The following MAML3 variants were observed in gnomAD, a reference collection of about 807,000 sequenced individuals.
MAML3 encodes the protein mastermind-like protein 3.
Under a neutral mutation model 101.9 loss-of-function variants are expected in MAML3, and 27 were observed. The observed-to-expected ratio is 0.27, with a 90% CI of 0.20 to 0.37. The LOEUF (loss-of-function observed/expected upper bound fraction) is 0.37, where lower values mean the gene tolerates loss of function less well. Ranked by LOEUF, MAML3 falls within the 10% of genes least tolerant of loss-of-function variation. The probability of loss-of-function intolerance (pLI) is 1.00; values close to 1 mark genes in which losing one functional copy is unlikely to be tolerated. For missense variants in MAML3, 1,316 were observed against 1,444.9 expected (o/e 0.91, Z 1.45); for synonymous variants, 501 against 555.9 (o/e 0.90, Z 1.39).
At chr4:140,023,380 G>C (rs1490634619) in intron 1 of MAML3, among the ~76,000 whole-genome samples, 1 of 152,170 alleles carries the variant, frequency 6.6e-6, no homozygotes, top group African/African-American at 2.4e-5. Flanking sequence ...GAGGTCTGTG[G>C]ATACACTCTT....
intron 1 of MAML3, among the ~76,000 whole-genome samples, chr4:139,941,444 T>G (rs747472209): frequency 1.3e-5 from 2 of 152,202 alleles, no homozygotes; most frequent in African/African-American, 2.4e-5. Context: ...TTATGTTTAT[T>G]AAGAAGTTGT....
At chr4:139,864,741 T>A (rs918805875) in intron 2 of MAML3, among the ~76,000 whole-genome samples, 6 of 142,156 alleles carry the variant, frequency 4.2e-5, no homozygotes, top group Non-Finnish European at 1.5e-5. Context: ...TGACTAAAAG[T>A]CAACTATGTT....
At chr4:140,079,540 C>T (rs986618788) in intron 1 of MAML3, among the ~76,000 whole-genome samples, 40 of 152,224 alleles carry the variant, frequency 2.6e-4, no homozygotes, top group African/African-American at 9.6e-4. Flanking sequence ...GTGATCTGCC[C>T]GCCTCAGCCT....
At chr4:140,103,485 A>G (rs1728284837) in intron 1 of MAML3, among the ~76,000 whole-genome samples, 1 of 152,156 alleles carries the variant, frequency 6.6e-6, no homozygotes, top group Non-Finnish European at 1.5e-5. Flanking sequence ...GAACTCTTCT[A>G]TTGTTGTTGT....
At chr4:139,971,207 CT>C (rs56223218) in intron 1 of MAML3, among the ~76,000 whole-genome samples, 43,521 of 151,962 alleles carry the variant, frequency 0.29, 7,414 homozygotes, top group East Asian at 0.62. Context: ...ACTCTTCTCA[CT>C]GTACCTTCTG....
intron 1 of MAML3, among the ~76,000 whole-genome samples, chr4:139,995,156 T>A (rs888712135): frequency 1.3e-5 from 2 of 152,216 alleles, no homozygotes; most frequent in Admixed American, 1.3e-4. Context: ...AATGAAATGA[T>A]AACATGGTTT....
intron 1 of MAML3, among the ~76,000 whole-genome samples, chr4:140,069,172 T>C (rs1055393740): frequency 6.6e-6 from 1 of 152,172 alleles, no homozygotes; most frequent in Non-Finnish European, 1.5e-5. Flanking sequence ...ACCTTGATTA[T>C]TGCAACTTCA....
intron 1 of MAML3, among the ~76,000 whole-genome samples, chr4:139,932,881 A>AG (rs1178114570): frequency 6.6e-6 from 1 of 152,004 alleles, no homozygotes; most frequent in African/African-American, 2.4e-5. Context: ...ACCAGGTAGA[A>AG]GGACCCAACC....
intron 1 of MAML3, among the ~76,000 whole-genome samples, chr4:140,077,242 T>A (rs1013228858): frequency 6.6e-6 from 1 of 152,202 alleles, no homozygotes. Flanking sequence ...TAGAGAATCA[T>A]TCTTGATCTC....
At chr4:139,838,513 C>A (rs538236867) in intron 2 of MAML3, among the ~76,000 whole-genome samples, 2 of 152,168 alleles carry the variant, frequency 1.3e-5, no homozygotes, top group East Asian at 3.9e-4. Flanking sequence ...GGAAAGCAAG[C>A]CATTTTTTCT....
In MAML3 at chr4:139,717,144, A is replaced by G. The variant is rs1221985201; in HGVS notation, c.*2179T>C. 1 of 152,632 alleles carries G rather than the reference A, an allele frequency of 6.6e-6. No individual in the cohort carries two copies. The highest frequency in any genetic ancestry group is 1.5e-5 in the Non-Finnish European group (1 of 68,036). The allele number at this position is 152,632 out of a possible 1,614,324, so 9.5% of individuals were successfully genotyped here. On this transcript the variant is annotated 3_prime_UTR_variant, in exon 5 of 5. Transcript: ENST00000509479. ...AACTTTTTTTAGACATTACATATAC[A>G]TCAGCACCGTAGTAAAAACAAAACC...
At chr4:139,833,572 C>T (rs1731207611) in intron 2 of MAML3, among the ~76,000 whole-genome samples, 1 of 152,124 alleles carries the variant, frequency 6.6e-6, no homozygotes, top group Non-Finnish European at 1.5e-5. Flanking sequence ...GCAAGATCAT[C>T]ACAACCCTAG....
intron 1 of MAML3, among the ~76,000 whole-genome samples, chr4:139,920,210 T>A (rs1261109290): frequency 6.6e-6 from 1 of 152,258 alleles, no homozygotes; most frequent in Non-Finnish European, 1.5e-5. Flanking sequence ...TGTAAGTTAA[T>A]GAATAATCCA....
At chr4:139,882,704 C>T (rs1732243808) in intron 2 of MAML3, among the ~76,000 whole-genome samples, 1 of 152,102 alleles carries the variant, frequency 6.6e-6, no homozygotes, top group Non-Finnish European at 1.5e-5. Flanking sequence ...CAAAAATTAG[C>T]TGGGTGTGGT....
intron 1 of MAML3, among the ~76,000 whole-genome samples, chr4:140,064,975 C>T (rs1466375168): frequency 1.3e-5 from 2 of 152,186 alleles, no homozygotes; most frequent in South Asian, 2.1e-4. Context: ...GATTCTTTCA[C>T]CCAAATCACT....
At chr4:139,760,531 G>A (rs933407214) in intron 2 of MAML3, among the ~76,000 whole-genome samples, 5 of 152,158 alleles carry the variant, frequency 3.3e-5, no homozygotes, top group Admixed American at 6.5e-5. Flanking sequence ...CACAGGACAC[G>A]CTCAATAACT....
At chr4:139,947,713 A>G (rs1733754836) in intron 1 of MAML3, among the ~76,000 whole-genome samples, 3 of 152,174 alleles carry the variant, frequency 2.0e-5, no homozygotes, top group Non-Finnish European at 4.4e-5. Flanking sequence ...TAATCTCTCT[A>G]TGCCTCAGTT....
intron 1 of MAML3, among the ~76,000 whole-genome samples, chr4:139,967,075 A>G (rs781565852): frequency 5.9e-5 from 9 of 152,232 alleles, no homozygotes; most frequent in Non-Finnish European, 1.2e-4. Context: ...TAAAGTAAGG[A>G]TCAAAATTGA....
At position 139,719,753 on chromosome 4, in the gene MAML3, C is replaced by T. The variant is rs1441253289; in HGVS notation, c.2987G>A (p.Arg996Lys). 5 of 1,613,628 alleles carry T rather than the reference C, an allele frequency of 3.1e-6. No homozygotes were observed. The highest frequency in any genetic ancestry group is 4.2e-6 in the Non-Finnish European group (5 of 1,179,868). ...CTGTGGGAAGTGCTGCTTGGTCAGT[C>T]TCGGCTGCCCAGCTTGAAGAGGGTA... ...ASYPLQAGQP[R>K]LTKQHFPQGL... The change falls in exon 5 of 5, where the codon AGA becomes AAA. Residue 996 changes from arginine to lysine, a missense_variant. Transcript: ENST00000509479.
Sources: gnomAD v4.1 joint callset for allele counts (sites outside exome capture counted in the v4.1 genomes callset) on GRCh38, gnomAD v4.1.1 for gene constraint, MANE v1.5 for transcripts, NCBI Gene and HGNC (gene_info 2026-07-23, HGNC 2026-07-21) for gene names.